The following BRPF3 variants were observed in gnomAD, a reference collection of about 807,000 sequenced individuals.
BRPF3 encodes the protein bromodomain and PHD finger-containing protein 3.
BRPF3 carries 18 observed loss-of-function variants against 102.0 expected under a neutral mutation model. The ratio of observed to expected loss-of-function variants is 0.18; its 90% CI spans 0.12 to 0.26. The LOEUF is 0.26. Ranked by LOEUF, BRPF3 falls within the 10% of genes least tolerant of loss-of-function variation. The pLI is 1.00. For synonymous variants in BRPF3, 570 were observed against 614.2 expected (o/e 0.93, Z 1.06); for missense variants, 1,147 against 1,567.8 (o/e 0.73, Z 4.53).
At position 36,210,512 on chromosome 6, in the gene BRPF3, C is replaced by T; in HGVS notation, c.2163C>T (p.Arg721=). The change falls in exon 6 of 13, where the codon CGC becomes CGT. Residue 721 remains arginine (R), a synonymous_variant. Transcript: ENST00000357641. This position sits in a 1 kb window ranked among gnomAD's most constrained non-coding sequence, Gnocchi z 4.7. ...PESPKLEDFY[R]FSWEDVDNIL... ...CACCCAAATTGGAAGACTTTTACCG[C>T]TTCTCCTGGGAAGACGGTGAGAGGC... The T allele has an allele frequency of 6.3e-7, 1 of 1,594,462 alleles. No individual in the cohort carries two copies. The highest frequency in any genetic ancestry group is 8.5e-7 in the Non-Finnish European group (1 of 1,176,478).
At chr6:36,209,969 C>T in intron 5 of BRPF3, 54 bp downstream of exon 5, 1 of 1,602,928 alleles carries the variant, frequency 6.2e-7, no homozygotes, top group South Asian at 1.1e-5. Flanking sequence ...GGAACAGGGT[C>T]TGAGTAGGCT....
chr6:36,209,068 C>G (rs1397111400), intron 4 of BRPF3, among the ~76,000 whole-genome samples: 3 of 152,192 alleles, frequency 2.0e-5, no homozygotes, highest in Non-Finnish European at 2.9e-5. Context: ...AATCCTATCT[C>G]TATTCTTTTC....
At chr6:36,204,906 A>G (rs915456116) in intron 3 of BRPF3, 92 bp downstream of exon 3, 1 of 1,532,944 alleles carries the variant, frequency 6.5e-7, no homozygotes, top group African/African-American at 1.4e-5. Context: ...CCCCTTCTTG[A>G]TCCCTCCATG....
intron 8 of BRPF3, 147 bp from the exon 9 acceptor site, chr6:36,217,770 A>G (rs1407042253): frequency 8.8e-6 from 5 of 566,124 alleles, no homozygotes; most frequent in Non-Finnish European, 1.6e-5. Flanking sequence ...GATCTTCTCT[A>G]TCACCCAAGA....
chr6:36,228,042 G>A (rs1581994879), intron 11 of BRPF3, among the ~76,000 whole-genome samples: 1 of 152,214 alleles, frequency 6.6e-6, no homozygotes, highest in Admixed American at 6.5e-5. Flanking sequence ...CAGGGGCTGT[G>A]TAGGAGGCAG....
chr6:36,200,237 G>A lies in BRPF3; in HGVS notation c.-26-60G>A. The stretch of plus-strand genomic sequence containing the variant: ...CTCTTGGTGGATGCTTGATCATATG[G>A]GAGGATGAATGGGTGCATAAGGGCA... On this transcript the variant is annotated intron_variant, in intron 1 of 12. Coordinates refer to ENST00000357641, the MANE Select transcript of BRPF3 (RefSeq NM_015695.3). The surrounding 1 kb of genome is among the most constrained non-coding windows in gnomAD (Gnocchi z 5.3). The A allele has an allele frequency of 6.8e-7, 1 of 1,470,516 alleles. No individual in the cohort carries two copies. Among genetic ancestry groups the A allele is most frequent in the Admixed American group, 2.5e-5 (1 of 39,580 alleles). The allele number at this position is 1,470,516 out of a possible 1,614,324, so 91.1% of individuals were successfully genotyped here. A position where few individuals can be genotyped will look rare whatever the true frequency, so the allele number is the denominator to read the frequency against.
intron 2 of BRPF3, among the ~76,000 whole-genome samples, chr6:36,203,601 G>T (rs1027628902): frequency 6.6e-6 from 1 of 152,222 alleles, no homozygotes; most frequent in Non-Finnish European, 1.5e-5. Flanking sequence ...TCTGACTGTG[G>T]AGAGGAGCAA....
intron 1 of BRPF3, among the ~76,000 whole-genome samples, chr6:36,198,026 G>A (rs1366334494): frequency 6.6e-6 from 1 of 152,166 alleles, no homozygotes; most frequent in African/African-American, 2.4e-5. Flanking sequence ...TAGGGCCTCG[G>A]TGCCTTTGGA....
Position 36,230,745 on chromosome 6 carries a change from C to T in BRPF3, c.*136C>T. 1.1e-5 allele frequency: 13 copies of T among 1,164,618 alleles called. No homozygotes were observed. Among genetic ancestry groups the T allele is most frequent in the Non-Finnish European group, 1.4e-5 (12 of 839,126 alleles). 72.1% of individuals were successfully genotyped at this position (1,164,618 alleles called of 1,614,324 possible). A position where few individuals can be genotyped will look rare whatever the true frequency, so the allele number is the denominator to read the frequency against. On this transcript the variant is annotated 3_prime_UTR_variant, in exon 13 of 13. Transcript: ENST00000357641. This position sits in a 1 kb window ranked among gnomAD's most constrained non-coding sequence, Gnocchi z 5.4. ...GGCCAGGGACTGGGCTTTCTCCCCA[C>T]TAAGGGCAAGGCCCCAGTTTTGACC...
chr6:36,223,485 C>T (rs534648524), intron 10 of BRPF3, among the ~76,000 whole-genome samples: 2 of 152,158 alleles, frequency 1.3e-5, no homozygotes, highest in African/African-American at 4.8e-5. Context: ...AGGATATTGA[C>T]CTCCCATAGT....
In BRPF3 at chr6:36,209,719, CA is replaced by C. The variant is rs1768028946; in HGVS notation, c.1738-66del. 1.9e-6 allele frequency: 3 copies of C among 1,550,068 alleles called. No individual in the cohort carries two copies. The African/African-American group carries it at 4.1e-5, about 21-fold the overall frequency. ...ACAAGATTGGTAAAAGTCAAACTAT[CA>C]AGAAAAAGTTTCAGTACATCTTTGC... On this transcript the variant is annotated intron_variant, in intron 4 of 12. Coordinates refer to ENST00000357641, the MANE Select transcript of BRPF3 (RefSeq NM_015695.3).
chr6:36,205,043 A>G (rs1767857585), intron 3 of BRPF3, among the ~76,000 whole-genome samples: 2 of 152,136 alleles, frequency 1.3e-5, no homozygotes, highest in Admixed American at 1.3e-4. Flanking sequence ...GAGAGTGGAG[A>G]GCATGCGTAG....
At chr6:36,219,511 G>T (rs1293614166) in intron 9 of BRPF3, among the ~76,000 whole-genome samples, 2 of 152,120 alleles carry the variant, frequency 1.3e-5, no homozygotes, top group Non-Finnish European at 2.9e-5. Context: ...AAAGTGAAAG[G>T]TGTGTTGTTG....
chr6:36,200,381 C>A lies in BRPF3; in HGVS notation c.59C>A (p.Pro20His). The A allele has an allele frequency of 6.2e-7, 1 of 1,614,242 alleles. No individual in the cohort carries two copies. The highest frequency in any genetic ancestry group is 8.5e-7 in the Non-Finnish European group (1 of 1,180,038). The change falls in exon 2 of 13, where the codon CCC becomes CAC. Residue 20 changes from proline to histidine, a missense_variant. Around this residue, in one of 11 missense-constraint regions of BRPF3, gnomAD observed 38 missense variants for 34.3 expected, o/e 1.11. Transcript: ENST00000357641. The surrounding 1 kb of genome is among the most constrained non-coding windows in gnomAD (Gnocchi z 5.3). The part of the protein sequence containing the change: ...QNAEGRRSPS[P>H]YSLKCSPTRE... ...GCCGAGGGCCGGCGTTCCCCGTCCCCCTACAGTCTCAAGTGCTCACCCACC... is the reference window on the plus strand; with the variant it reads ...GCCGAGGGCCGGCGTTCCCCGTCCCACTACAGTCTCAAGTGCTCACCCACC...
At chr6:36,214,500 A>G in intron 8 of BRPF3, 114 bp downstream of exon 8, 2 of 1,261,466 alleles carry the variant, frequency 1.6e-6, no homozygotes, top group South Asian at 3.3e-5. Flanking sequence ...GGACAGCAAT[A>G]GTAGCATTGA....
chr6:36,206,871 A>G (rs1767924186), intron 3 of BRPF3, among the ~76,000 whole-genome samples: 1 of 151,762 alleles, frequency 6.6e-6, no homozygotes, highest in Non-Finnish European at 1.5e-5. Context: ...TCCAACTGTA[A>G]TTTTTTCTAG....
chr6:36,200,582 C>T lies in BRPF3; in HGVS notation c.260C>T (p.Pro87Leu). The change falls in exon 2 of 13, where the codon CCT (proline) becomes CTT (leucine). Residue 87 changes from proline to leucine, a missense_variant. By Grantham distance (98) the Pro-to-Leu change is moderately conservative. Around this residue, in one of 11 missense-constraint regions of BRPF3, gnomAD observed 221 missense variants for 337.1 expected, o/e 0.66. Coordinates refer to ENST00000357641, the MANE Select transcript of BRPF3 (RefSeq NM_015695.3). This position sits in a 1 kb window ranked among gnomAD's most constrained non-coding sequence, Gnocchi z 5.3. ...NKENSEQPQF[P>L]GKSKKPSSKG... Reference sequence around the variant, plus strand: ...GAAAACAGTGAACAGCCTCAGTTCCCTGGCAAGTCCAAGAAACCCTCATCC... The same window carrying T: ...GAAAACAGTGAACAGCCTCAGTTCCTTGGCAAGTCCAAGAAACCCTCATCC... 2 of 1,614,214 alleles carry T rather than the reference C, an allele frequency of 1.2e-6. No individual in the cohort carries two copies. Among genetic ancestry groups the T allele is most frequent in the Non-Finnish European group, 1.7e-6 (2 of 1,180,042 alleles).
chr6:36,209,070 ATTC>A (rs1768004096), intron 4 of BRPF3, among the ~76,000 whole-genome samples: 1 of 152,154 alleles, frequency 6.6e-6, no homozygotes, highest in South Asian at 2.1e-4. Flanking sequence ...TCCTATCTCT[ATTC>A]TTTTCTAGAC....
intron 3 of BRPF3, 62 bp from the exon 4 acceptor site, chr6:36,207,251 G>C: frequency 6.3e-7 from 1 of 1,586,482 alleles, no homozygotes; most frequent in Admixed American, 1.7e-5. Context: ...CGTGAGGCTT[G>C]AACAGGGAGA....
Sources: allele counts gnomAD v4.1 joint callset (sites outside exome capture counted in the v4.1 genomes callset), GRCh38; gene constraint gnomAD v4.1.1; regional missense constraint gnomAD v4.1.1; non-coding constraint Gnocchi (gnomAD v3.1); transcripts MANE v1.5; gene names NCBI Gene and HGNC (gene_info 2026-07-23, HGNC 2026-07-21).